Variants in CHIC1 observed in about 807,000 individuals in gnomAD.
CHIC1 encodes cysteine rich hydrophobic domain 1.
A neutral mutation model predicts 18.5 loss-of-function variants in CHIC1; 7 were observed. That is an observed-to-expected ratio of 0.38 (90% CI 0.22 to 0.71). The LOEUF (loss-of-function observed/expected upper bound fraction) is 0.71. Ranked by LOEUF, CHIC1 falls within the 30% of genes least tolerant of loss-of-function variation. The probability of loss-of-function intolerance (pLI) is 0.49; values close to 1 mark genes in which losing one functional copy is unlikely to be tolerated. For synonymous variants in CHIC1, 77 were observed against 73.5 expected (o/e 1.05, Z -0.25); for missense variants, 159 against 176.9 (o/e 0.90, Z 0.57).
At chrX:73,644,156 T>A (rs987825843) in intron 3 of CHIC1, among the ~76,000 whole-genome samples, 34 of 112,493 alleles carry the variant, frequency 3.0e-4, no homozygotes, top group Non-Finnish European at 5.6e-4. Flanking sequence ...TGCCTGGGTA[T>A]CAGCAGCGGT....
chrX:73,663,220 C>T (rs758288026), intron 3 of CHIC1, among the ~76,000 whole-genome samples: 1 of 111,066 alleles, frequency 9.0e-6, no homozygotes, highest in Non-Finnish European at 1.9e-5. Flanking sequence ...TGGGGAATGA[C>T]GAAAATGGGC....
intron 3 of CHIC1, among the ~76,000 whole-genome samples, chrX:73,649,430 A>T (rs1282156390): frequency 9.0e-6 from 1 of 111,725 alleles, no homozygotes; most frequent in Non-Finnish European, 1.9e-5. Context: ...AAGACCCATC[A>T]GTGTGCTGTA....
chrX:73,642,619 C>T (rs2057863409), intron 3 of CHIC1, among the ~76,000 whole-genome samples: 1 of 107,587 alleles, frequency 9.3e-6, no homozygotes, highest in African/African-American at 3.4e-5. Context: ...AATGGTAATG[C>T]CTAGGTTTTC....
At chrX:73,574,443 G>A (rs1269344502) in intron 1 of CHIC1, among the ~76,000 whole-genome samples, 1 of 110,519 alleles carries the variant, frequency 9.0e-6, no homozygotes, top group Admixed American at 9.6e-5. Flanking sequence ...TAGCTTCATA[G>A]GATGAGTTGG....
intron 3 of CHIC1, among the ~76,000 whole-genome samples, chrX:73,633,235 G>GC (rs962219922): frequency 7.4e-5 from 7 of 95,141 alleles, no homozygotes; most frequent in East Asian, 3.2e-4. Flanking sequence ...TCCCCCCACT[G>GC]CCCCCCCACA....
In CHIC1 at chrX:73,563,573, A is replaced by G; in HGVS notation, c.289A>G (p.Ile97Val). The G allele has an allele frequency of 9.1e-7, 1 of 1,095,522 alleles. No individual in the cohort carries two copies. The allele number at this position is 1,095,522 out of a possible 1,213,427, so 90.3% of individuals were successfully genotyped here. ...TGTATTAGTGCGGGGTGCCGGCCAC[A>G]TCACTGTGTAAGCGAGAGGGGGTCT... ...DPVLVRGAGH[I>V]TVFGLSNKFD... Residue 97 changes from isoleucine to valine, a missense_variant, in exon 1 of 6, where the codon ATC becomes GTC. Coordinates refer to ENST00000373502, the MANE Select transcript of CHIC1 (RefSeq NM_001039840.4).
intron 3 of CHIC1, among the ~76,000 whole-genome samples, chrX:73,618,721 A>C (rs1357023346): frequency 8.9e-6 from 1 of 112,368 alleles, no homozygotes; most frequent in Non-Finnish European, 1.9e-5. Context: ...GAAAGCAAGC[A>C]GGGCTTTCAG....
At chrX:73,610,204 T>C (rs2057701222) in intron 3 of CHIC1, among the ~76,000 whole-genome samples, 1 of 109,329 alleles carries the variant, frequency 9.1e-6, no homozygotes, top group African/African-American at 3.5e-5. Flanking sequence ...TTGCTGCAAA[T>C]GCATTTCATT....
intron 3 of CHIC1, among the ~76,000 whole-genome samples, chrX:73,663,231 G>A (rs777808662): frequency 2.7e-5 from 3 of 111,131 alleles, no homozygotes; most frequent in South Asian, 7.7e-4. Flanking sequence ...GAAAATGGGC[G>A]AATTCCAAGG....
intron 3 of CHIC1, among the ~76,000 whole-genome samples, chrX:73,585,258 G>A (rs1347902617): frequency 9.0e-6 from 1 of 111,595 alleles, no homozygotes; most frequent in Non-Finnish European, 1.9e-5. Context: ...CCTTGTGGAA[G>A]AATAATTAGT....
intron 3 of CHIC1, among the ~76,000 whole-genome samples, chrX:73,644,106 G>A (rs919113236): frequency 8.9e-6 from 1 of 112,499 alleles, no homozygotes; most frequent in Non-Finnish European, 1.9e-5. Flanking sequence ...TCAGCTGCAG[G>A]TCTGTTGGAG....
intron 2 of CHIC1, 50 bp downstream of exon 2, chrX:73,577,511 G>T: frequency 2.2e-6 from 2 of 919,985 alleles, no homozygotes; most frequent in Non-Finnish European, 3.1e-6. Flanking sequence ...ATTGTTTTAT[G>T]GCTTACTCAT....
chrX:73,646,443 A>T (rs747178597), intron 3 of CHIC1, among the ~76,000 whole-genome samples: 4 of 112,318 alleles, frequency 3.6e-5, no homozygotes, highest in Non-Finnish European at 5.6e-5. Flanking sequence ...GAAATATAAA[A>T]TTGGAATTTT....
intron 3 of CHIC1, among the ~76,000 whole-genome samples, chrX:73,615,220 A>G (rs1281009789): frequency 9.0e-6 from 1 of 111,350 alleles, no homozygotes; most frequent in African/African-American, 3.3e-5. Context: ...TGGGGATGAC[A>G]ACACTATGTA....
Position 73,686,545 on chromosome X carries a change from T to C in CHIC1, c.*5540T>C, listed in dbSNP as rs2058122778. ...ATCAAGGCAATAATTTCTCAAATGT[T>C]CTTTTATTTCTTTGTTTTTATCTCG... On this transcript the variant is annotated 3_prime_UTR_variant, in exon 6 of 6. Transcript: ENST00000373502. 8.9e-6 allele frequency: 1 copy of C among 112,207 alleles called. No homozygotes were observed. The highest frequency in any genetic ancestry group is 3.2e-5 in the African/African-American group (1 of 30,962). 9.2% of individuals were successfully genotyped at this position (112,207 alleles called of 1,213,427 possible). A position where few individuals can be genotyped will look rare whatever the true frequency, so the allele number is the denominator to read the frequency against.
intron 3 of CHIC1, among the ~76,000 whole-genome samples, chrX:73,673,748 C>T (rs1239798138): frequency 9.0e-6 from 1 of 111,649 alleles, no homozygotes; most frequent in African/African-American, 3.3e-5. Context: ...ATTTCCTTCT[C>T]CTGACTAATT....
chrX:73,674,054 T>C (rs1025835754), intron 3 of CHIC1, among the ~76,000 whole-genome samples: 1 of 112,363 alleles, frequency 8.9e-6, no homozygotes, highest in Admixed American at 9.4e-5. Flanking sequence ...ATTACATTTA[T>C]TGATTTGCAT....
chrX:73,647,678 A>G (rs1205060820), intron 3 of CHIC1, among the ~76,000 whole-genome samples: 2 of 111,985 alleles, frequency 1.8e-5, no homozygotes, highest in East Asian at 2.8e-4. Flanking sequence ...AACTCCACCA[A>G]CTTCATCCAT....
chrX:73,662,204 T>A (rs2057984402), intron 3 of CHIC1, among the ~76,000 whole-genome samples: 1 of 110,048 alleles, frequency 9.1e-6, no homozygotes, highest in Non-Finnish European at 1.9e-5. Context: ...CAATACTGCT[T>A]CGAATTGCTT....
Sources: allele counts gnomAD v4.1 joint callset (sites outside exome capture counted in the v4.1 genomes callset), GRCh38; gene constraint gnomAD v4.1.1; transcripts MANE v1.5; gene names NCBI Gene and HGNC (gene_info 2026-07-23, HGNC 2026-07-21).